Variants in DPP10 observed in about 807,000 individuals in gnomAD.
DPP10 encodes inactive dipeptidyl peptidase 10.
Under a neutral mutation model 120.9 loss-of-function variants are expected in DPP10, and 33 were observed. That is an observed-to-expected ratio of 0.27 (90% CI 0.21 to 0.37). DPP10 has a LOEUF of 0.37. Among genes scored for constraint, DPP10 ranks in the 10% least tolerant of loss-of-function variants. The pLI, the probability that DPP10 is intolerant of heterozygous loss-of-function variation, is 1.00. For missense variants in DPP10, 816 were observed against 942.8 expected (o/e 0.87, Z 1.76); for synonymous variants, 337 against 326.1 (o/e 1.03, Z -0.36).
chr2:115,839,402 G>A (rs993090313), intron 24 of DPP10, among the ~76,000 whole-genome samples: 5 of 152,030 alleles, frequency 3.3e-5, no homozygotes, highest in African/African-American at 4.8e-5. Context: ...TAGGCTGGGC[G>A]CGGTGGCTCA....
chr2:114,804,639 G>A (rs181666254), intron 1 of DPP10, among the ~76,000 whole-genome samples: 5 of 152,228 alleles, frequency 3.3e-5, no homozygotes, highest in African/African-American at 4.8e-5. Context: ...AGACTTGCAC[G>A]GGCCCTGTAA....
intron 1 of DPP10, chr2:115,145,125 CTTTT>C (rs950765502): frequency 4.0e-5 from 6 of 150,916 alleles, no homozygotes; most frequent in African/African-American, 1.5e-4. Flanking sequence ...GGCTTTGATT[CTTTT>C]GTGATATGTG....
chr2:114,726,817 A>G (rs2105926665), intron 1 of DPP10, among the ~76,000 whole-genome samples: 1 of 152,334 alleles, frequency 6.6e-6, no homozygotes, highest in Admixed American at 6.5e-5. Context: ...TTTCCTGGGA[A>G]TATTTCATAG....
intron 1 of DPP10, among the ~76,000 whole-genome samples, chr2:114,826,852 T>A (rs1686591469): frequency 6.6e-6 from 1 of 152,136 alleles, no homozygotes; most frequent in Non-Finnish European, 1.5e-5. Context: ...TATTGCTAAG[T>A]CTGATGAAAG....
chr2:114,567,050 C>T (rs924464498), intron 1 of DPP10, among the ~76,000 whole-genome samples: 2 of 152,152 alleles, frequency 1.3e-5, no homozygotes, highest in Admixed American at 1.3e-4. Context: ...TACCATACTC[C>T]ACTCCAGGCT....
chr2:114,746,652 G>A (rs1558696819), intron 1 of DPP10, among the ~76,000 whole-genome samples: 2 of 152,146 alleles, frequency 1.3e-5, no homozygotes, highest in Admixed American at 1.3e-4. Flanking sequence ...TGAGAATGAT[G>A]CTAGAAAAAG....
intron 21 of DPP10, among the ~76,000 whole-genome samples, chr2:115,830,465 A>C (rs1269613673): frequency 6.6e-6 from 1 of 152,190 alleles, no homozygotes; most frequent in African/African-American, 2.4e-5. Flanking sequence ...GGCCAAAAAA[A>C]GATTAATTCA....
At chr2:115,077,143 A>G (rs1707871151) in intron 1 of DPP10, among the ~76,000 whole-genome samples, 1 of 152,178 alleles carries the variant, frequency 6.6e-6, no homozygotes. Flanking sequence ...AGCATTGTAT[A>G]TAGGTGCAAT....
intron 1 of DPP10, among the ~76,000 whole-genome samples, chr2:115,005,095 C>T (rs1033689903): frequency 1.3e-5 from 2 of 152,000 alleles, no homozygotes; most frequent in East Asian, 1.9e-4. Context: ...GAGGCACCCT[C>T]CAGCAGGGGC....
chr2:114,966,957 G>C (rs528860303), intron 1 of DPP10, among the ~76,000 whole-genome samples: 3 of 152,078 alleles, frequency 2.0e-5, no homozygotes, highest in Admixed American at 2.0e-4. Flanking sequence ...CAGGAGAATC[G>C]CTTGAACTCG....
intron 5 of DPP10, among the ~76,000 whole-genome samples, chr2:115,657,805 T>A (rs987694412): frequency 6.6e-6 from 1 of 151,940 alleles, no homozygotes; most frequent in Admixed American, 6.6e-5. Context: ...TAATGGCTAC[T>A]GAAAATAAAA....
chr2:114,734,821 G>T (rs552393120), intron 1 of DPP10, among the ~76,000 whole-genome samples: 7 of 152,200 alleles, frequency 4.6e-5, no homozygotes, highest in African/African-American at 1.7e-4. Flanking sequence ...GAGTTTGCTA[G>T]AACTGCCATA....
intron 1 of DPP10, among the ~76,000 whole-genome samples, chr2:115,177,762 T>TTTGTTTG (rs141147612): frequency 6.6e-6 from 1 of 150,726 alleles, no homozygotes; most frequent in Non-Finnish European, 1.5e-5. Context: ...TTGTTTTTGT[T>TTTGTTTG]TTTGTTTGTT....
chr2:115,453,613 A>G (rs796417827), intron 3 of DPP10, among the ~76,000 whole-genome samples: 4 of 151,764 alleles, frequency 2.6e-5, no homozygotes, highest in African/African-American at 9.6e-5. Flanking sequence ...CCAACATTTC[A>G]ACATTTATAG....
At chr2:115,677,789 A>G (rs1381227070) in intron 5 of DPP10, among the ~76,000 whole-genome samples, 1 of 152,228 alleles carries the variant, frequency 6.6e-6, no homozygotes, top group Non-Finnish European at 1.5e-5. Flanking sequence ...TGTTAGAACT[A>G]AGGGGAGAGA....
In DPP10 at chr2:115,102,656, G is replaced by A. The variant is rs942949384; in HGVS notation, c.61-206583G>A. The stretch of plus-strand genomic sequence containing the variant: ...GAACTTGGGACTTTGTGATCCACCC[G>A]CCTCGGCCTCCCAAGGTGCCGGGAT... On this transcript the variant is annotated intron_variant, in intron 1 of 25. Transcript: ENST00000410059. Among the ~76,000 whole-genome samples the A allele has an allele frequency of 1.8e-4, 27 of 151,882 alleles. 1 individual carries two copies. Among genetic ancestry groups the A allele is most frequent in the Admixed American group, 7.2e-4 (11 of 15,252 alleles).
At chr2:114,724,936 G>T (rs914993734) in intron 1 of DPP10, among the ~76,000 whole-genome samples, 3 of 152,194 alleles carry the variant, frequency 2.0e-5, no homozygotes, top group Non-Finnish European at 4.4e-5. Flanking sequence ...TGCCAGCTGA[G>T]CTCTGAATTC....
At chr2:114,448,670 C>T (rs539891432) in intron 1 of DPP10, among the ~76,000 whole-genome samples, 1 of 152,284 alleles carries the variant, frequency 6.6e-6, no homozygotes, top group African/African-American at 2.4e-5. Flanking sequence ...AAATAAGACA[C>T]ATCTGTGCTA....
rs534818255 is a variant in DPP10 at position 114,655,727 on chromosome 2, G to GTGGT, written c.60+212891_60+212894dup. ...AGCTTACATAATTAAATATGGTTGT[G>GTGGT]TGGTTACCTTTTATATCCGAATGTA... is the stretch of plus-strand genomic sequence containing the variant. On this transcript the variant is annotated intron_variant, in intron 1 of 25. Transcript: ENST00000410059. Among the ~76,000 whole-genome samples, 15 of 152,096 alleles carry GTGGT rather than the reference G, an allele frequency of 9.9e-5. No homozygotes were observed. In the East Asian group the frequency reaches 2.7e-3, roughly 28 times the overall value.
Sources: allele counts gnomAD v4.1 joint callset (sites outside exome capture counted in the v4.1 genomes callset), GRCh38; gene constraint gnomAD v4.1.1; transcripts MANE v1.5; gene names NCBI Gene and HGNC (gene_info 2026-07-23, HGNC 2026-07-21).